The following TVP23A variants were observed in gnomAD, a reference collection of about 807,000 sequenced individuals.
TVP23A encodes the protein trans-golgi network vesicle protein 23 homolog A, also known as Golgi apparatus membrane protein TVP23 homolog A.
TVP23A carries 21 observed loss-of-function variants against 31.7 expected under a neutral mutation model. That is an observed-to-expected ratio of 0.66 (90% CI 0.47 to 0.95). The LOEUF is 0.95. TVP23A is among the 40% of genes least tolerant of loss of function. The pLI, the probability that TVP23A is intolerant of heterozygous loss-of-function variation, is 0.00. For missense variants in TVP23A, 279 were observed against 255.6 expected, an observed-to-expected ratio of 1.09 and a Z score of -0.62; for synonymous variants, 104 against 96.0, an observed-to-expected ratio of 1.08 and a Z score of -0.49.
At chr16:10,814,533 C>T (rs953591539) in intron 2 of TVP23A, among the ~76,000 whole-genome samples, 1 of 152,106 alleles carries the variant, frequency 6.6e-6, no homozygotes, top group Non-Finnish European at 1.5e-5. Flanking sequence ...GGCCCCTTTC[C>T]TCTGTCATCC....
downstream of TVP23A, among the ~76,000 whole-genome samples, chr16:10,759,779 AAAAGAAAG>A (rs942879545): frequency 6.6e-6 from 1 of 152,202 alleles, no homozygotes; most frequent in Non-Finnish European, 1.5e-5. This position sits in a 1 kb window ranked among gnomAD's most constrained non-coding sequence, Gnocchi z 4.7. Flanking sequence ...CTGTCTCAAA[AAAAGAAAG>A]AAAGAAATGA....
chr16:10,806,620 A>G (rs747536371), intron 2 of TVP23A, among the ~76,000 whole-genome samples: 18 of 151,958 alleles, frequency 1.2e-4, no homozygotes, highest in Non-Finnish European at 2.1e-4. Context: ...TCTTCCCTCA[A>G]CCGCCTGAAT....
intron 2 of TVP23A, among the ~76,000 whole-genome samples, chr16:10,806,287 G>A (rs778580696): frequency 6.6e-6 from 1 of 152,114 alleles, no homozygotes; most frequent in Non-Finnish European, 1.5e-5. Context: ...AGGTTGCAGT[G>A]AGCCAAGGTT....
In TVP23A at chr16:10,818,573, G is replaced by T; in HGVS notation, c.-80C>A. 1 of 1,533,274 alleles carries T rather than the reference G, an allele frequency of 6.5e-7. No homozygotes were observed. 95.0% of individuals were successfully genotyped at this position (1,533,274 alleles called of 1,614,324 possible). On this transcript the variant is annotated 5_prime_UTR_variant, in exon 1 of 8. Transcript: ENST00000299866. This position sits in a 1 kb window ranked among gnomAD's most constrained non-coding sequence, Gnocchi z 4.7. ...CGCCGCTGAAGGGGTCGGACGCCGG[G>T]CGGGCGGATGTAGGCAGCAGACGGT... is the stretch of plus-strand genomic sequence containing the variant.
intron 2 of TVP23A, among the ~76,000 whole-genome samples, chr16:10,788,180 A>AT (rs1217431974): frequency 6.6e-6 from 1 of 151,956 alleles, no homozygotes; most frequent in Non-Finnish European, 1.5e-5. Flanking sequence ...AAATTCAAAG[A>AT]TTTTCTGATT....
chr16:10,790,976 C>T (rs925519280), intron 2 of TVP23A, among the ~76,000 whole-genome samples: 1 of 152,082 alleles, frequency 6.6e-6, no homozygotes, highest in Non-Finnish European at 1.5e-5. Flanking sequence ...CCCATCATGG[C>T]CTGAACTAGT....
intron 2 of TVP23A, among the ~76,000 whole-genome samples, chr16:10,798,315 C>T (rs995964824): frequency 1.3e-5 from 2 of 152,064 alleles, no homozygotes; most frequent in Non-Finnish European, 2.9e-5. Flanking sequence ...AATTACAGTT[C>T]TGCCATTTAC....
chr16:10,786,502 T>C (rs2142971798), intron 2 of TVP23A, among the ~76,000 whole-genome samples: 1 of 152,268 alleles, frequency 6.6e-6, no homozygotes, highest in Admixed American at 6.5e-5. Context: ...CAACTAGAAT[T>C]CCTCATGAAA....
chr16:10,764,699 G>A (rs1361918840), downstream of TVP23A, among the ~76,000 whole-genome samples: 1 of 151,596 alleles, frequency 6.6e-6, no homozygotes, highest in Non-Finnish European at 1.5e-5. Context: ...GTCTATTGGA[G>A]CATCTCAGTC....
rs144654861 is a variant in TVP23A, at chr16:10,789,254, G to A, written c.90-14158C>T. 3.3e-3 allele frequency among the ~76,000 whole-genome samples: 507 copies of A among 152,282 alleles called. 7 individuals are homozygous for A. The highest frequency in any genetic ancestry group is 0.021 in the East Asian group (111 of 5,186). On this transcript the variant is annotated intron_variant, in intron 2 of 7. Transcript: ENST00000299866. ...TTAGTGAATTCTCTCCTGGATCAGAGGAAGCACCTGGAAAGGGAAGGGGGT... is the reference window on the plus strand; with the variant it reads ...TTAGTGAATTCTCTCCTGGATCAGAAGAAGCACCTGGAAAGGGAAGGGGGT...
chr16:10,764,271 G>A (rs2030498767), downstream of TVP23A, among the ~76,000 whole-genome samples: 1 of 152,258 alleles, frequency 6.6e-6, no homozygotes, highest in South Asian at 2.1e-4. Flanking sequence ...AGTGTACTTT[G>A]CTTTTTGGCA....
intron 2 of TVP23A, among the ~76,000 whole-genome samples, chr16:10,781,850 C>CT (rs144933462): frequency 0.016 from 1,489 of 90,954 alleles, 255 homozygotes; most frequent in African/African-American, 0.033. Flanking sequence ...CTAACACAAT[C>CT]TTTTTTTTTT....
chr16:10,761,004 A>G (rs1191427120), downstream of TVP23A: 4 of 197,168 alleles, frequency 2.0e-5, no homozygotes, highest in African/African-American at 9.3e-5. Context: ...AAGGCAAAGC[A>G]GGCACATGTT....
downstream of TVP23A, among the ~76,000 whole-genome samples, chr16:10,762,488 C>T (rs988413908): frequency 1.3e-4 from 20 of 152,232 alleles, no homozygotes; most frequent in African/African-American, 3.1e-4. Context: ...CGCCGCGGGG[C>T]GCTGGGCAGG....
At chr16:10,814,070 C>T (rs1266397231) in intron 2 of TVP23A, among the ~76,000 whole-genome samples, 1 of 143,462 alleles carries the variant, frequency 7.0e-6, no homozygotes, top group African/African-American at 2.5e-5. Flanking sequence ...TTCATTTGTT[C>T]TCAGGATTTT....
chr16:10,798,185 T>C (rs572972105), intron 2 of TVP23A, among the ~76,000 whole-genome samples: 3 of 152,134 alleles, frequency 2.0e-5, no homozygotes, highest in East Asian at 3.9e-4. Context: ...GGTCTCGATC[T>C]CCTGACCTTG....
chr16:10,805,479 G>C (rs374377421), intron 2 of TVP23A, among the ~76,000 whole-genome samples: 143 of 151,114 alleles, frequency 9.5e-4, no homozygotes, highest in African/African-American at 3.2e-3. Context: ...GTCCAGGGGA[G>C]AGATACATCT....
intron 2 of TVP23A, among the ~76,000 whole-genome samples, chr16:10,808,351 G>C (rs891125625): frequency 2.0e-5 from 3 of 152,090 alleles, no homozygotes; most frequent in African/African-American, 7.2e-5. Context: ...TTACTTGATT[G>C]GCTAGTTAGG....
Position 10,796,418 on chromosome 16 carries a change from GATTTTATTTT to G in TVP23A, c.90-21332_90-21323del, listed in dbSNP as rs370573686. 3.8e-3 allele frequency among the ~76,000 whole-genome samples: 573 copies of G among 151,710 alleles called. 2 individuals carry two copies. Among genetic ancestry groups the G allele is most frequent in the Middle Eastern group, 0.024 (7 of 294 alleles). The stretch of plus-strand genomic sequence containing the variant: ...GGTGAGAAGCCTATGTAGTAAAAGG[GATTTTATTTT>G]ATTTTATTTTATTTTATTTTTTGAG... On this transcript the variant is annotated intron_variant, in intron 2 of 7. Transcript: ENST00000299866.
Sources: gnomAD v4.1 joint callset for allele counts (sites outside exome capture counted in the v4.1 genomes callset) on GRCh38, gnomAD v4.1.1 for gene constraint, Gnocchi (gnomAD v3.1) non-coding constraint, MANE v1.5 for transcripts, NCBI Gene and HGNC (gene_info 2026-07-23, HGNC 2026-07-21) for gene names.